PLCL1: variants seen among roughly 807,000 people sequenced by gnomAD.
PLCL1 encodes inactive phospholipase C-like protein 1.
PLCL1 carries 41 observed loss-of-function variants against 84.4 expected under a neutral mutation model. The ratio of observed to expected loss-of-function variants is 0.49; its 90% CI spans 0.38 to 0.63. PLCL1 has a LOEUF of 0.63. PLCL1 is among the 30% of genes least tolerant of loss of function. The pLI is 0.00. For missense variants in PLCL1, 1,206 were observed against 1,367.8 expected (o/e 0.88, Z 1.87); for synonymous variants, 490 against 488.3 (o/e 1.00, Z -0.05).
At position 198,118,839 on chromosome 2, in the gene PLCL1, C is replaced by A. The variant is rs1033575150; in HGVS notation, c.3105+14903C>A. ...GTCTAAGCATTTTTCTGTCTCTAAC[C>A]TTTTGTTCTCCATGAAGTTTTGAGT... On this transcript the variant is annotated intron_variant, in intron 5 of 5. Transcript: ENST00000428675. Among the ~76,000 whole-genome samples the A allele has an allele frequency of 2.0e-5, 3 of 152,076 alleles. No homozygotes were observed. The South Asian group carries it at 6.2e-4, about 32-fold the overall frequency.
intron 3 of PLCL1, among the ~76,000 whole-genome samples, chr2:198,099,288 A>G: frequency 6.6e-6 from 1 of 152,100 alleles, no homozygotes; most frequent in Non-Finnish European, 1.5e-5. Flanking sequence ...GAGATCTTGG[A>G]AGGAGGTGAA....
intron 1 of PLCL1, among the ~76,000 whole-genome samples, chr2:198,056,319 C>CA (rs1037792394): frequency 1.3e-5 from 2 of 152,152 alleles, no homozygotes; most frequent in African/African-American, 4.8e-5. Context: ...CCCTCCCCCC[C>CA]ATAAGGATTG....
intron 1 of PLCL1, among the ~76,000 whole-genome samples, chr2:197,992,323 G>GGA (rs970072536): frequency 3.5e-4 from 54 of 152,142 alleles, no homozygotes; most frequent in African/African-American, 1.3e-3. Flanking sequence ...GGAGTGCAGT[G>GGA]GAGTAATCAT....
chr2:197,853,237 A>G (rs971092245), intron 1 of PLCL1, among the ~76,000 whole-genome samples: 1 of 152,198 alleles, frequency 6.6e-6, no homozygotes, highest in African/African-American at 2.4e-5. Context: ...CATTGTAGGT[A>G]TGTACCATAT....
chr2:198,135,385 T>C (rs1192266870), intron 5 of PLCL1, among the ~76,000 whole-genome samples: 1 of 152,216 alleles, frequency 6.6e-6, no homozygotes, highest in Non-Finnish European at 1.5e-5. Flanking sequence ...TGTCCTATCC[T>C]ATTAGTTCTG....
chr2:197,890,297 A>C (rs6742782), intron 1 of PLCL1, among the ~76,000 whole-genome samples: 77,996 of 151,972 alleles, frequency 0.51, 20,896 homozygotes, highest in African/African-American at 0.65. Flanking sequence ...AAATATTCGT[A>C]TGAATCCCAG....
In PLCL1 at chr2:198,149,441, A is replaced by G. The variant is rs1694594172; in HGVS notation, c.*2479A>G. 6.6e-6 allele frequency: 1 copy of G among 152,198 alleles called. No homozygotes were observed. The highest frequency in any genetic ancestry group is 1.5e-5 in the Non-Finnish European group (1 of 68,030). The allele number at this position is 152,198 out of a possible 1,614,324, so 9.4% of individuals were successfully genotyped here. A position where few individuals can be genotyped will look rare whatever the true frequency, so the allele number is the denominator to read the frequency against. ...CAGGTGAGAAAGCCCAAAGCCACTG[A>G]GGTAATTAATGGAATAATTGATTTT... On this transcript the variant is annotated 3_prime_UTR_variant, in exon 6 of 6. Transcript: ENST00000428675.
chr2:198,060,497 C>T (rs1323533859), intron 1 of PLCL1, among the ~76,000 whole-genome samples: 1 of 152,186 alleles, frequency 6.6e-6, no homozygotes, highest in Non-Finnish European at 1.5e-5. Context: ...TCCTGCTGAG[C>T]TGACACAGTA....
At chr2:198,065,825 G>T (rs1692309699) in intron 1 of PLCL1, among the ~76,000 whole-genome samples, 2 of 152,158 alleles carry the variant, frequency 1.3e-5, no homozygotes, top group Non-Finnish European at 2.9e-5. Flanking sequence ...CAGTTTAGGT[G>T]TTGATAAGAC....
At chr2:197,966,161 C>T (rs192608770) in intron 1 of PLCL1, among the ~76,000 whole-genome samples, 5 of 151,880 alleles carry the variant, frequency 3.3e-5, no homozygotes, top group Admixed American at 3.3e-4. Context: ...ACAAAGTTCT[C>T]TTTACTCTTC....
intron 1 of PLCL1, among the ~76,000 whole-genome samples, chr2:198,025,165 G>A (rs1372344009): frequency 1.3e-5 from 2 of 151,988 alleles, no homozygotes; most frequent in Non-Finnish European, 1.5e-5. Context: ...TACATTTGGA[G>A]TATTCATTCC....
Position 198,085,630 on chromosome 2 carries a change from T to A in PLCL1, c.2113T>A (p.Ser705Thr). Residue 705 changes from serine (S) to threonine (T), a missense_variant, in exon 2 of 6, where the codon TCT (serine) becomes ACT (threonine). Physicochemically the swap from Ser to Thr is moderately conservative, Grantham distance 58. Coordinates refer to ENST00000428675, the MANE Select transcript of PLCL1 (RefSeq NM_006226.4). This position sits in a 1 kb window ranked among gnomAD's most constrained non-coding sequence, Gnocchi z 5.3. ...GCCGTCTATAATGCGAGATGAAGTT[T>A]CTTACTTCAGCGCAAATACAAAGGG... ...LRPSIMRDEV[S>T]YFSANTKGIL... is the part of the protein sequence containing the mutation. 6.2e-7 allele frequency: 1 copy of A among 1,613,856 alleles called. No individual in the cohort carries two copies. The highest frequency in any genetic ancestry group is 8.5e-7 in the Non-Finnish European group (1 of 1,179,736).
chr2:197,895,265 A>G (rs1490252460), intron 1 of PLCL1, among the ~76,000 whole-genome samples: 3 of 152,060 alleles, frequency 2.0e-5, no homozygotes, highest in Middle Eastern at 3.2e-3. Flanking sequence ...ATTTCACTTC[A>G]GTAAACCATC....
In PLCL1 at chr2:198,086,187, G is replaced by A. The variant is rs572725072; in HGVS notation, c.2670G>A (p.Ala890=). Residue 890 remains alanine, a synonymous_variant, in exon 2 of 6, where the codon GCG becomes GCA. Transcript: ENST00000428675. ...CCATTGATGACATCTTTAAAATAGC[G>A]GTTCATCCATTACGAGAAGCCATAG... ...LKTIDDIFKI[A]VHPLREAIDM... 6.8e-6 allele frequency: 11 copies of A among 1,613,556 alleles called. No homozygotes were observed. Among genetic ancestry groups the A allele is most frequent in the South Asian group, 2.2e-5 (2 of 91,050 alleles).
At chr2:198,111,035 T>A (rs1693607739) in intron 5 of PLCL1, among the ~76,000 whole-genome samples, 1 of 151,800 alleles carries the variant, frequency 6.6e-6, no homozygotes, top group Non-Finnish European at 1.5e-5. Flanking sequence ...GCAGGCAAAG[T>A]GATTAAGTGT....
chr2:198,116,972 GA>G (rs1693762127), intron 5 of PLCL1, among the ~76,000 whole-genome samples: 2 of 151,774 alleles, frequency 1.3e-5, no homozygotes, highest in African/African-American at 4.8e-5. Context: ...GTATTCCAGG[GA>G]AAAAATATTG....
At chr2:197,996,785 A>T (rs1054846991) in intron 1 of PLCL1, among the ~76,000 whole-genome samples, 1 of 152,204 alleles carries the variant, frequency 6.6e-6, no homozygotes, top group Admixed American at 6.5e-5. Context: ...ATCAGAATGC[A>T]GGCTGTAGTA....
intron 1 of PLCL1, among the ~76,000 whole-genome samples, chr2:198,057,388 A>G (rs902479422): frequency 4.0e-5 from 6 of 151,740 alleles, no homozygotes; most frequent in Non-Finnish European, 1.5e-5. Flanking sequence ...ACCTTTTTTT[A>G]CTGTGTACTA....
intron 1 of PLCL1, among the ~76,000 whole-genome samples, chr2:198,080,829 T>G (rs1692695018): frequency 6.6e-6 from 1 of 152,184 alleles, no homozygotes. Flanking sequence ...GTTCCAAGTT[T>G]TAGGTGGGAT....
Sources: allele counts gnomAD v4.1 joint callset (sites outside exome capture counted in the v4.1 genomes callset), GRCh38; gene constraint gnomAD v4.1.1; non-coding constraint Gnocchi (gnomAD v3.1); transcripts MANE v1.5; gene names NCBI Gene and HGNC (gene_info 2026-07-23, HGNC 2026-07-21).